CALHM5: variants seen among roughly 807,000 people sequenced by gnomAD.
CALHM5 encodes the protein calcium homeostasis modulator protein 5.
Under a neutral mutation model 20.9 loss-of-function variants are expected in CALHM5, and 17 were observed. The ratio of observed to expected loss-of-function variants is 0.82; its 90% CI spans 0.56 to 1.22. CALHM5 has a LOEUF of 1.22. Ranked by LOEUF, CALHM5 falls within the 50% of genes most tolerant of loss-of-function variation. CALHM5 has a pLI of 0.00. For missense variants in CALHM5, 360 were observed against 364.6 expected, an observed-to-expected ratio of 0.99 and a Z score of 0.10; for synonymous variants, 148 against 140.0, an observed-to-expected ratio of 1.06 and a Z score of -0.40.
rs139416423 is a variant in CALHM5, at chr6:116,515,753, G to A, written c.694G>A (p.Asp232Asn). The A allele has an allele frequency of 1.2e-4, 190 of 1,613,938 alleles. No homozygotes were observed. The African/African-American group carries it at 2.4e-3, about 20-fold the overall frequency. The stretch of plus-strand genomic sequence containing the variant: ...GGAGCAGTTGGAAAATACATTTCTG[G>A]ACTATGCCAACAAGCTGAGCGAGAG... ...EKEQLENTFL[D>N]YANKLSERNL... The change falls in exon 2 of 2, where the codon GAC (aspartate) becomes AAC (asparagine). Residue 232 changes from aspartate (D) to asparagine (N), a missense_variant. Coordinates refer to ENST00000368599, the MANE Select transcript of CALHM5 (RefSeq NM_153711.5).
chr6:116,516,194 C>A lies in CALHM5; in HGVS notation c.*205C>A. 3.6e-6 allele frequency: 2 copies of A among 562,982 alleles called. No individual in the cohort carries two copies. Among genetic ancestry groups the A allele is most frequent in the Non-Finnish European group, 5.6e-6 (2 of 357,876 alleles). The allele number at this position is 562,982 out of a possible 1,614,324, so 34.9% of individuals were successfully genotyped here. On this transcript the variant is annotated 3_prime_UTR_variant, in exon 2 of 2. Coordinates refer to ENST00000368599, the MANE Select transcript of CALHM5 (RefSeq NM_153711.5). ...TTGATGCTGAGGGGTGACAAAGGTG[C>A]TCTTGCATTGGTGGAGAGGGGCTCA...
In CALHM5 at chr6:116,515,893, T is replaced by C. The variant is rs758022020; in HGVS notation, c.834T>C (p.Tyr278=). 8.7e-6 allele frequency: 14 copies of C among 1,613,944 alleles called. No homozygotes were observed. Among genetic ancestry groups the C allele is most frequent in the Middle Eastern group, 1.7e-4 (1 of 6,060 alleles). The part of the protein sequence containing the change: ...LHSFHQSQQH[Y]STLHRVVDNG... ...CTTTCCACCAAAGCCAGCAACACTA[T>C]AGCACCCTCCACAGAGTGGTGGACA... Residue 278 remains tyrosine, a synonymous_variant, in exon 2 of 2, where the codon TAT becomes TAC. Coordinates refer to ENST00000368599, the MANE Select transcript of CALHM5 (RefSeq NM_153711.5).
At chr6:116,512,857 G>A (rs974374139) in intron 1 of CALHM5, among the ~76,000 whole-genome samples, 10 of 152,128 alleles carry the variant, frequency 6.6e-5, no homozygotes, top group Non-Finnish European at 1.5e-4. Flanking sequence ...ACTCTCTAGG[G>A]AGATTATGTT....
In CALHM5 at chr6:116,511,683, T is replaced by C. The variant is rs201160942; in HGVS notation, c.-14T>C. ...TAACAAAGGCACAGCATTTTCCCTC[T>C]GTGCATCTCCAACATGGATGCTTTT... is the stretch of plus-strand genomic sequence containing the variant. On this transcript the variant is annotated 5_prime_UTR_variant, in exon 1 of 2. Transcript: ENST00000368599. The C allele has an allele frequency of 6.2e-7, 1 of 1,609,428 alleles. No individual in the cohort carries two copies. Among genetic ancestry groups the C allele is most frequent in the East Asian group, 2.2e-5 (1 of 44,852 alleles).
In CALHM5 at chr6:116,521,595, G is replaced by A. The variant is rs539081639; in HGVS notation, c.*5606G>A. 6.6e-6 allele frequency: 1 copy of A among 151,818 alleles called. No individual in the cohort carries two copies. The highest frequency in any genetic ancestry group is 2.1e-4 in the South Asian group (1 of 4,804). 9.4% of individuals were successfully genotyped at this position (151,818 alleles called of 1,614,324 possible). On this transcript the variant is annotated 3_prime_UTR_variant, in exon 2 of 2. Transcript: ENST00000368599. ...ACCCAGGCCCTCAATGGATTGTATG[G>A]TGCCTGCCCAGGTTAGGTGAGGGCA...
At position 116,511,689 on chromosome 6, in the gene CALHM5, T is replaced by C. The variant is rs1227087009; in HGVS notation, c.-8T>C. The C allele has an allele frequency of 1.2e-6, 2 of 1,611,874 alleles. No homozygotes were observed. The highest frequency in any genetic ancestry group is 4.5e-5 in the East Asian group (2 of 44,874). ...AGGCACAGCATTTTCCCTCTGTGCATCTCCAACATGGATGCTTTTCAGGGC... is the reference window on the plus strand; with the variant it reads ...AGGCACAGCATTTTCCCTCTGTGCACCTCCAACATGGATGCTTTTCAGGGC... On this transcript the variant is annotated 5_prime_UTR_variant, in exon 1 of 2. Transcript: ENST00000368599.
At position 116,515,806 on chromosome 6, in the gene CALHM5, GA is replaced by G. The variant is rs1562340419; in HGVS notation, c.748del (p.Arg250GlyfsTer71). The G allele has an allele frequency of 6.2e-7, 1 of 1,613,978 alleles. No homozygotes were observed. Among genetic ancestry groups the G allele is most frequent in the East Asian group, 2.2e-5 (1 of 44,876 alleles). On this transcript the variant is annotated frameshift_variant, in exon 2 of 2. Transcript: ENST00000368599. LOFTEE classifies it high-confidence loss of function. ...RNLKCFFENKRPDPFPMPTFA... is the reference protein window; with the variant it reads ...RNLKCFFENKXPDPFPMPTFA... The stretch of plus-strand genomic sequence containing the variant: ...ACCTGAAATGTTTTTTTGAAAACAA[GA>G]GGCCAGATCCTTTTCCCATGCCTAC...
Position 116,511,649 on chromosome 6 carries a change from C to A in CALHM5, c.-48C>A. ...CCACCCTCGGCCACTGCCACAGCTG[C>A]TCTGCCAATAACAAAGGCACAGCAT... is the stretch of plus-strand genomic sequence containing the variant. On this transcript the variant is annotated 5_prime_UTR_variant, in exon 1 of 2. Transcript: ENST00000368599. 1 of 1,566,818 alleles carries A rather than the reference C, an allele frequency of 6.4e-7. No homozygotes were observed.
intron 1 of CALHM5, among the ~76,000 whole-genome samples, chr6:116,512,671 T>A (rs1172592889): frequency 6.6e-6 from 1 of 152,254 alleles, no homozygotes; most frequent in Non-Finnish European, 1.5e-5. Flanking sequence ...TGTAGCTGAA[T>A]GAAATGAGTT....
At position 116,524,025 on chromosome 6, in the gene CALHM5, GA is replaced by G. The variant is rs1772396430; in HGVS notation, c.*8037del. On this transcript the variant is annotated 3_prime_UTR_variant, in exon 2 of 2. Coordinates refer to ENST00000368599, the MANE Select transcript of CALHM5 (RefSeq NM_153711.5). ...AGGAAAATATGAATGAATATTAGAT[GA>G]TTTTTAGAGAATTATTAATTTTGCT... is the stretch of plus-strand genomic sequence containing the variant. 1 of 152,158 alleles carries G rather than the reference GA, an allele frequency of 6.6e-6. No homozygotes were observed. Among genetic ancestry groups the G allele is most frequent in the Non-Finnish European group, 1.5e-5 (1 of 68,006 alleles). The allele number at this position is 152,158 out of a possible 1,614,324, so 9.4% of individuals were successfully genotyped here.
In CALHM5 at chr6:116,524,476, T is replaced by C. The variant is rs930133898; in HGVS notation, c.*8487T>C. The stretch of plus-strand genomic sequence containing the variant: ...TTCAGCCTGTTGGCCTGTTCTCGAA[T>C]TGAAGGACAGCTTGTCTGGTTCATA... On this transcript the variant is annotated 3_prime_UTR_variant, in exon 2 of 2. Coordinates refer to ENST00000368599, the MANE Select transcript of CALHM5 (RefSeq NM_153711.5). 1 of 152,226 alleles carries C rather than the reference T, an allele frequency of 6.6e-6. No homozygotes were observed. Among genetic ancestry groups the C allele is most frequent in the Non-Finnish European group, 1.5e-5 (1 of 68,028 alleles). The allele number at this position is 152,226 out of a possible 1,614,324, so 9.4% of individuals were successfully genotyped here.
chr6:116,515,783 C>T lies in CALHM5; in HGVS notation c.724C>T (p.Leu242=), dbSNP rs374551311. Residue 242 remains leucine (L), a synonymous_variant, in exon 2 of 2, where the codon CTG becomes TTG. Coordinates refer to ENST00000368599, the MANE Select transcript of CALHM5 (RefSeq NM_153711.5). ...DYANKLSERN[L]KCFFENKRPD... is the part of the protein sequence containing the mutation. ...TGCCAACAAGCTGAGCGAGAGGAACCTGAAATGTTTTTTTGAAAACAAGAG... is the reference window on the plus strand; with the variant it reads ...TGCCAACAAGCTGAGCGAGAGGAACTTGAAATGTTTTTTTGAAAACAAGAG... 6.2e-7 allele frequency: 1 copy of T among 1,613,862 alleles called. No homozygotes were observed. The highest frequency in any genetic ancestry group is 8.5e-7 in the Non-Finnish European group (1 of 1,179,944).
At position 116,511,790 on chromosome 6, in the gene CALHM5, C is replaced by A. The variant is rs756035813; in HGVS notation, c.94C>A (p.Arg32Ser). 8 of 1,613,906 alleles carry A rather than the reference C, an allele frequency of 5.0e-6. No individual in the cohort carries two copies. Among genetic ancestry groups the A allele is most frequent in the South Asian group, 1.1e-5 (1 of 91,080 alleles). ...FMALLTVGSE[R>S]LFSVVAFKCP... ...GGCTCTGCTGACCGTGGGAAGTGAG[C>A]GTCTCTTTTCTGTTGTGGCTTTTAA... The change falls in exon 1 of 2, where the codon CGT becomes AGT. Residue 32 changes from arginine to serine, a missense_variant. Arg to Ser is a moderately radical substitution (Grantham distance 110). Transcript: ENST00000368599.
chr6:116,511,877 G>C lies in CALHM5; in HGVS notation c.181G>C (p.Val61Leu), dbSNP rs1184527676. 9 of 1,613,942 alleles carry C rather than the reference G, an allele frequency of 5.6e-6. No homozygotes were observed. The South Asian group carries it at 9.9e-5, about 18-fold the overall frequency. Reference protein sequence around the residue: ...GLVFLFAPAWVLLILGFFLNN... With the variant: ...GLVFLFAPAWLLLILGFFLNN... ...GGTTTTCCTCTTTGCTCCTGCCTGGGTGTTACTGATCCTGGGATTCTTTCT... is the reference window on the plus strand; with the variant it reads ...GGTTTTCCTCTTTGCTCCTGCCTGGCTGTTACTGATCCTGGGATTCTTTCT... The change falls in exon 1 of 2, where the codon GTG becomes CTG. Residue 61 changes from valine (V) to leucine (L), a missense_variant. Val to Leu is a conservative substitution (Grantham distance 32). Transcript: ENST00000368599.
chr6:116,513,804 T>C (rs1036605762), intron 1 of CALHM5, among the ~76,000 whole-genome samples: 7 of 152,208 alleles, frequency 4.6e-5, no homozygotes, highest in African/African-American at 1.4e-4. Flanking sequence ...TGGATGACTC[T>C]CTATTCTTAA....
In CALHM5 at chr6:116,520,137, C is replaced by T. The variant is rs1004619553; in HGVS notation, c.*4148C>T. The T allele has an allele frequency of 2.0e-5, 3 of 152,070 alleles. No individual in the cohort carries two copies. Among genetic ancestry groups the T allele is most frequent in the South Asian group, 2.1e-4 (1 of 4,828 alleles). 9.4% of individuals were successfully genotyped at this position (152,070 alleles called of 1,614,324 possible). A position where few individuals can be genotyped will look rare whatever the true frequency, so the allele number is the denominator to read the frequency against. Reference sequence around the variant, plus strand: ...AAAATGTATACATTTAATGAGAAAACGATGACATTATTGATTCAAATTAGT... The same window carrying T: ...AAAATGTATACATTTAATGAGAAAATGATGACATTATTGATTCAAATTAGT... On this transcript the variant is annotated 3_prime_UTR_variant, in exon 2 of 2. Coordinates refer to ENST00000368599, the MANE Select transcript of CALHM5 (RefSeq NM_153711.5).
rs1397270942 is a variant in CALHM5 at position 116,524,629 on chromosome 6, A to C, written c.*8640A>C. The C allele has an allele frequency of 6.6e-6, 1 of 152,118 alleles. No homozygotes were observed. Among genetic ancestry groups the C allele is most frequent in the Non-Finnish European group, 1.5e-5 (1 of 68,006 alleles). 9.4% of individuals were successfully genotyped at this position (152,118 alleles called of 1,614,324 possible). A position where few individuals can be genotyped will look rare whatever the true frequency, so the allele number is the denominator to read the frequency against. ...TTCTTTATTACTAACAAGATGTTTTATCCTATATTCTCATTGGTTTCTTTA... is the reference window on the plus strand; with the variant it reads ...TTCTTTATTACTAACAAGATGTTTTCTCCTATATTCTCATTGGTTTCTTTA... On this transcript the variant is annotated 3_prime_UTR_variant, in exon 2 of 2. Coordinates refer to ENST00000368599, the MANE Select transcript of CALHM5 (RefSeq NM_153711.5).
At position 116,516,049 on chromosome 6, in the gene CALHM5, A is replaced by G; in HGVS notation, c.*60A>G. 1 of 1,503,188 alleles carries G rather than the reference A, an allele frequency of 6.7e-7. No individual in the cohort carries two copies. Among genetic ancestry groups the G allele is most frequent in the Non-Finnish European group, 8.9e-7 (1 of 1,123,974 alleles). The allele number at this position is 1,503,188 out of a possible 1,614,324, so 93.1% of individuals were successfully genotyped here. ...GCATGCTCATTCTGTGATCCTCCTA[A>G]CGTATCACCAGCAACCTGTGTGTCT... On this transcript the variant is annotated 3_prime_UTR_variant, in exon 2 of 2. Coordinates refer to ENST00000368599, the MANE Select transcript of CALHM5 (RefSeq NM_153711.5).
chr6:116,513,381 CT>C (rs1772162624), intron 1 of CALHM5, among the ~76,000 whole-genome samples: 1 of 152,128 alleles, frequency 6.6e-6, no homozygotes, highest in Non-Finnish European at 1.5e-5. Context: ...TGTCTTGTGT[CT>C]TTTATTGAAG....
Sources: gnomAD v4.1 joint callset for allele counts (sites outside exome capture counted in the v4.1 genomes callset) on GRCh38, gnomAD v4.1.1 for gene constraint, MANE v1.5 for transcripts, NCBI Gene and HGNC (gene_info 2026-07-23, HGNC 2026-07-21) for gene names.